LUZP2: variants seen among roughly 807,000 people sequenced by gnomAD.
LUZP2 encodes the protein leucine zipper protein 2.
LUZP2 carries 52 observed loss-of-function variants against 51.6 expected under a neutral mutation model. The observed-to-expected ratio is 1.01, with a 90% confidence interval of 0.81 to 1.27. The LOEUF (loss-of-function observed/expected upper bound fraction) is 1.27, where lower values mean the gene tolerates loss of function less well. Among genes scored for constraint, LUZP2 ranks in the 50% most tolerant of loss-of-function variants. LUZP2 has a pLI of 0.00. For synonymous variants in LUZP2, 154 were observed against 137.3 expected (o/e 1.12, Z -0.85); for missense variants, 436 against 395.4 (o/e 1.10, Z -0.87).
intron 1 of LUZP2, among the ~76,000 whole-genome samples, chr11:24,589,020 A>T (rs1333178690): frequency 2.0e-5 from 3 of 152,034 alleles, no homozygotes; most frequent in African/African-American, 7.2e-5. Context: ...CTGGACGTCA[A>T]TTATCAGTTT....
chr11:24,497,351 G>A (rs1306647817), intron 1 of LUZP2, 46 bp downstream of exon 1: 1 of 1,423,596 alleles, frequency 7.0e-7, no homozygotes, highest in Non-Finnish European at 9.3e-7. Context: ...GCGCTGCCGG[G>A]GCGAGGTTGG....
chr11:25,004,955 C>T (rs1323201009), intron 9 of LUZP2, among the ~76,000 whole-genome samples: 2 of 152,202 alleles, frequency 1.3e-5, no homozygotes, highest in African/African-American at 4.8e-5. Context: ...TTTGATCTCA[C>T]AAGAGCATGA....
At chr11:24,535,032 C>T (rs1196885139) in intron 1 of LUZP2, among the ~76,000 whole-genome samples, 1 of 151,142 alleles carries the variant, frequency 6.6e-6, no homozygotes, top group Admixed American at 6.6e-5. Context: ...GTTTTGCTTT[C>T]CCAGTACATA....
intron 1 of LUZP2, among the ~76,000 whole-genome samples, chr11:24,645,397 A>G (rs955366724): frequency 1.3e-5 from 2 of 152,190 alleles, no homozygotes; most frequent in Non-Finnish European, 2.9e-5. Flanking sequence ...ATTGAATTAT[A>G]TGGTATTGAA....
chr11:24,614,144 A>G (rs1005301597), intron 1 of LUZP2, among the ~76,000 whole-genome samples: 1 of 152,008 alleles, frequency 6.6e-6, no homozygotes, highest in African/African-American at 2.4e-5. Flanking sequence ...CTACCTTTAA[A>G]ACCTCTTTCT....
chr11:25,039,218 T>C (rs1857961294), intron 9 of LUZP2, among the ~76,000 whole-genome samples: 1 of 152,160 alleles, frequency 6.6e-6, no homozygotes, highest in South Asian at 2.1e-4. Context: ...AGCCCTGGGA[T>C]TCTAGGACCT....
intron 1 of LUZP2, among the ~76,000 whole-genome samples, chr11:24,573,020 A>G (rs1194795658): frequency 2.0e-5 from 3 of 152,004 alleles, no homozygotes. Context: ...TTTGACTTCC[A>G]GCTGATATGT....
intron 1 of LUZP2, among the ~76,000 whole-genome samples, chr11:24,703,758 G>A (rs1011847453): frequency 2.6e-5 from 4 of 151,958 alleles, no homozygotes; most frequent in African/African-American, 9.7e-5. Context: ...GAACCTGGGA[G>A]ATGGAGGTTG....
At chr11:24,963,480 TC>T (rs1216879746) in intron 7 of LUZP2, among the ~76,000 whole-genome samples, 4 of 151,916 alleles carry the variant, frequency 2.6e-5, no homozygotes, top group African/African-American at 9.7e-5. Flanking sequence ...CGGGTGCCCC[TC>T]CCCCAGCCCC....
chr11:24,754,395 G>C (rs1252380961), intron 4 of LUZP2, among the ~76,000 whole-genome samples: 1 of 152,122 alleles, frequency 6.6e-6, no homozygotes, highest in Non-Finnish European at 1.5e-5. Context: ...ACTGTTCTCT[G>C]GTTAATTTAC....
intron 1 of LUZP2, among the ~76,000 whole-genome samples, chr11:24,639,746 C>T (rs566083879): frequency 1.7e-4 from 26 of 151,942 alleles, no homozygotes; most frequent in Admixed American, 1.1e-3. Flanking sequence ...CCACTGTGCC[C>T]GGCCTTAATG....
chr11:24,743,544 C>A (rs1193455100), intron 4 of LUZP2, among the ~76,000 whole-genome samples: 2 of 152,046 alleles, frequency 1.3e-5, no homozygotes, highest in Admixed American at 1.3e-4. Context: ...AATCTTCTAT[C>A]CAGAAACTTT....
At chr11:24,747,824 T>C (rs554216802) in intron 4 of LUZP2, among the ~76,000 whole-genome samples, 1 of 152,206 alleles carries the variant, frequency 6.6e-6, no homozygotes, top group East Asian at 1.9e-4. Context: ...ATGCAGGTTG[T>C]TGGGTAAGTG....
chr11:24,630,293 A>G (rs1378020855), intron 1 of LUZP2, among the ~76,000 whole-genome samples: 2 of 151,888 alleles, frequency 1.3e-5, no homozygotes, highest in Non-Finnish European at 2.9e-5. Context: ...AGTTGTTCCT[A>G]TGTTTTCTTC....
chr11:25,010,528 A>T (rs1402977495), intron 9 of LUZP2, among the ~76,000 whole-genome samples: 4 of 151,790 alleles, frequency 2.6e-5, no homozygotes, highest in Admixed American at 2.6e-4. Flanking sequence ...AACCTGGATG[A>T]CAGAGCAAGA....
In LUZP2 at chr11:24,984,445, C is replaced by G. The variant is rs537347198; in HGVS notation, c.765+1152C>G. Reference sequence around the variant, plus strand: ...AGATCCTTATGTAATATTAATGTTTCTCTTTTAAAAATTATTCAAAACAAT... The same window carrying G: ...AGATCCTTATGTAATATTAATGTTTGTCTTTTAAAAATTATTCAAAACAAT... On this transcript the variant is annotated intron_variant, in intron 9 of 11. Transcript: ENST00000336930. Among the ~76,000 whole-genome samples the G allele has an allele frequency of 4.1e-5, 6 of 147,074 alleles. No homozygotes were observed. The East Asian group carries it at 1.0e-3, about 25-fold the overall frequency.
At chr11:24,993,807 G>C (rs1856418639) in intron 9 of LUZP2, among the ~76,000 whole-genome samples, 1 of 151,050 alleles carries the variant, frequency 6.6e-6, no homozygotes, top group African/African-American at 2.4e-5. Flanking sequence ...TTGCAGCACA[G>C]AAGACACAAG....
intron 1 of LUZP2, among the ~76,000 whole-genome samples, chr11:24,718,522 A>G (rs1858142655): frequency 1.3e-5 from 2 of 152,152 alleles, no homozygotes; most frequent in South Asian, 4.1e-4. Flanking sequence ...CAAGGACAGT[A>G]TTTTGCATTA....
At chr11:24,636,003 G>A (rs1168540489) in intron 1 of LUZP2, among the ~76,000 whole-genome samples, 2 of 152,094 alleles carry the variant, frequency 1.3e-5, no homozygotes, top group African/African-American at 2.4e-5. Flanking sequence ...ATCACACTGG[G>A]TGGCAATCTA....
Sources: allele counts gnomAD v4.1 joint callset (sites outside exome capture counted in the v4.1 genomes callset), GRCh38; gene constraint gnomAD v4.1.1; transcripts MANE v1.5; gene names NCBI Gene and HGNC (gene_info 2026-07-23, HGNC 2026-07-21).